The following ACOXL variants were observed in gnomAD, a reference collection of about 807,000 sequenced individuals.
The protein encoded by ACOXL is acyl-CoA oxidase like, also known as acyl-coenzyme A oxidase-like protein.
ACOXL carries 70 observed loss-of-function variants against 71.9 expected under a neutral mutation model. The ratio of observed to expected loss-of-function variants is 0.97; its 90% CI spans 0.80 to 1.19. The LOEUF (loss-of-function observed/expected upper bound fraction) is 1.19. Among genes scored for constraint, ACOXL ranks in the 50% most tolerant of loss-of-function variants. ACOXL has a pLI of 0.00. For missense variants in ACOXL, 703 were observed against 736.3 expected (o/e 0.95, Z 0.52); for synonymous variants, 253 against 281.6 (o/e 0.90, Z 1.02).
chr2:110,780,243 A>T (rs1324841796), intron 2 of ACOXL, among the ~76,000 whole-genome samples: 3 of 152,230 alleles, frequency 2.0e-5, no homozygotes, highest in Non-Finnish European at 2.9e-5. Flanking sequence ...TACATCTTTA[A>T]ACTATAGTGA....
intron 2 of ACOXL, among the ~76,000 whole-genome samples, chr2:110,773,258 G>T (rs1257709615): frequency 3.3e-5 from 5 of 152,164 alleles, no homozygotes; most frequent in Non-Finnish European, 7.4e-5. Context: ...TATCAGGTGG[G>T]TGATCAGATC....
intron 16 of ACOXL, among the ~76,000 whole-genome samples, chr2:111,050,953 A>T (rs1035797131): frequency 1.3e-5 from 2 of 152,198 alleles, no homozygotes; most frequent in African/African-American, 4.8e-5. Flanking sequence ...AGAAACTAAC[A>T]GATTGGGGTT....
At chr2:110,804,284 A>G (rs2105353825) in intron 8 of ACOXL, among the ~76,000 whole-genome samples, 1 of 152,262 alleles carries the variant, frequency 6.6e-6, no homozygotes, top group South Asian at 2.1e-4. Context: ...ACCATGCCCA[A>G]CTGATGTCCC....
At chr2:110,860,189 C>T (rs879638058) in intron 10 of ACOXL, among the ~76,000 whole-genome samples, 3 of 152,200 alleles carry the variant, frequency 2.0e-5, no homozygotes, top group Non-Finnish European at 2.9e-5. Flanking sequence ...CAGCTCACTG[C>T]AACCTCTACC....
At chr2:111,064,344 G>A (rs1424477334) in intron 16 of ACOXL, among the ~76,000 whole-genome samples, 5 of 149,910 alleles carry the variant, frequency 3.3e-5, no homozygotes, top group African/African-American at 1.2e-4. Context: ...GCTGAGGCAG[G>A]AGAATGGCGT....
At chr2:110,829,691 C>T (rs761132298) in intron 9 of ACOXL, among the ~76,000 whole-genome samples, 11 of 152,154 alleles carry the variant, frequency 7.2e-5, no homozygotes, top group Non-Finnish European at 5.9e-5. Context: ...AGGAGGAAGG[C>T]GTCCTTGATT....
At chr2:111,062,964 T>G (rs1052240285) in intron 16 of ACOXL, among the ~76,000 whole-genome samples, 2 of 152,118 alleles carry the variant, frequency 1.3e-5, no homozygotes, top group Non-Finnish European at 2.9e-5. Flanking sequence ...CAGATTATAT[T>G]AGTATATACT....
intron 8 of ACOXL, among the ~76,000 whole-genome samples, chr2:110,802,811 GAT>G (rs2105342773): frequency 6.6e-6 from 1 of 152,236 alleles, no homozygotes; most frequent in African/African-American, 2.4e-5. Context: ...GTTCTGGTGT[GAT>G]ATTGTACAGC....
chr2:110,968,744 A>G (rs2062043310), intron 12 of ACOXL: 3 of 516,704 alleles, frequency 5.8e-6, no homozygotes, highest in South Asian at 8.1e-5. Flanking sequence ...TTCTATGACG[A>G]TTTTTCAGAT....
chr2:110,958,167 A>G (rs1448224106), intron 12 of ACOXL, among the ~76,000 whole-genome samples: 1 of 152,090 alleles, frequency 6.6e-6, no homozygotes, highest in Non-Finnish European at 1.5e-5. Flanking sequence ...ACTCTCATGC[A>G]TACTCTCTCT....
At chr2:110,793,790 G>GTAGA (rs1316985376) in intron 4 of ACOXL, 54 bp downstream of exon 4, 9 of 1,392,666 alleles carry the variant, frequency 6.5e-6, no homozygotes. Flanking sequence ...AAAATCTGTA[G>GTAGA]TAGATAGATA....
intron 10 of ACOXL, among the ~76,000 whole-genome samples, chr2:110,884,031 T>A (rs1697005440): frequency 6.6e-6 from 1 of 152,200 alleles, no homozygotes; most frequent in Non-Finnish European, 1.5e-5. Context: ...GGCAAAATTT[T>A]ACCTCTACCA....
chr2:110,795,922 C>A (rs924552813), intron 5 of ACOXL: 1 of 151,980 alleles, frequency 6.6e-6, no homozygotes, highest in African/African-American at 2.4e-5. Context: ...AGCTACCTGG[C>A]GTGCCTCGGC....
At chr2:111,007,815 A>T (rs1002733918) in intron 14 of ACOXL, among the ~76,000 whole-genome samples, 1 of 152,366 alleles carries the variant, frequency 6.6e-6, no homozygotes, top group East Asian at 1.9e-4. Context: ...TTGCACACAG[A>T]TCTGTATGCA....
intron 16 of ACOXL, among the ~76,000 whole-genome samples, chr2:111,083,285 A>G (rs2068025625): frequency 6.6e-6 from 1 of 152,154 alleles, no homozygotes; most frequent in South Asian, 2.1e-4. Flanking sequence ...GGGGTCCCCA[A>G]GACTATCCTC....
chr2:110,995,704 C>G (rs2063364532), intron 13 of ACOXL, among the ~76,000 whole-genome samples, 189 bp from the exon 14 acceptor site: 1 of 151,914 alleles, frequency 6.6e-6, no homozygotes. Flanking sequence ...CTAGAATAAA[C>G]TAGAGCTAAG....
intron 1 of ACOXL, among the ~76,000 whole-genome samples, chr2:110,748,554 C>A (rs1678527102): frequency 6.6e-6 from 1 of 152,214 alleles, no homozygotes; most frequent in Non-Finnish European, 1.5e-5. Flanking sequence ...CCTGTCTTCG[C>A]ATTTTCTCAG....
chr2:110,983,401 A>G (rs1160971567), intron 12 of ACOXL, among the ~76,000 whole-genome samples: 1 of 152,232 alleles, frequency 6.6e-6, no homozygotes, highest in Non-Finnish European at 1.5e-5. Context: ...CACAATTGCC[A>G]AACTCACAGT....
intron 12 of ACOXL, among the ~76,000 whole-genome samples, chr2:110,947,611 TC>T (rs2061157129): frequency 6.6e-6 from 1 of 152,210 alleles, no homozygotes. Context: ...TCTTTCCCCT[TC>T]CCTTCTCCCC....
Sources: allele counts gnomAD v4.1 joint callset (sites outside exome capture counted in the v4.1 genomes callset), GRCh38; gene constraint gnomAD v4.1.1; transcripts MANE v1.5; gene names NCBI Gene and HGNC (gene_info 2026-07-23, HGNC 2026-07-21).